The following TNRC18 variants were observed in gnomAD, a reference collection of about 807,000 sequenced individuals.
TNRC18 encodes trinucleotide repeat containing 18.
Under a neutral mutation model 226.7 loss-of-function variants are expected in TNRC18, and 69 were observed. That is an observed-to-expected ratio of 0.30 (90% CI 0.25 to 0.37). TNRC18 has a LOEUF of 0.37. Ranked by LOEUF, TNRC18 falls within the 10% of genes least tolerant of loss-of-function variation. The probability of loss-of-function intolerance (pLI) is 1.00; values close to 1 mark genes in which losing one functional copy is unlikely to be tolerated. For synonymous variants in TNRC18, 2,449 were observed against 1,927.6 expected, an observed-to-expected ratio of 1.27 and a Z score of -7.09; for missense variants, 4,754 against 4,256.6, an observed-to-expected ratio of 1.12 and a Z score of -3.25.
At chr7:5,326,653 G>T (rs1046975207) in intron 19 of TNRC18, among the ~76,000 whole-genome samples, 3 of 152,052 alleles carry the variant, frequency 2.0e-5, no homozygotes, top group Non-Finnish European at 4.4e-5. Flanking sequence ...TAAAACAAAT[G>T]GCCATTAGCT....
chr7:5,400,962 A>G (rs1286962406), intron 2 of TNRC18, among the ~76,000 whole-genome samples: 1 of 152,178 alleles, frequency 6.6e-6, no homozygotes, highest in African/African-American at 2.4e-5. Context: ...GGATTGCTCG[A>G]GCACAGGAGG....
intron 16 of TNRC18, among the ~76,000 whole-genome samples, chr7:5,355,184 C>T (rs944139780): frequency 1.3e-4 from 20 of 152,360 alleles, no homozygotes; most frequent in African/African-American, 4.3e-4. Context: ...GTGCTCTGTC[C>T]ACAGATACTG....
At chr7:5,359,374 CA>C in intron 15 of TNRC18, 23 bp downstream of exon 15, 6 of 1,613,606 alleles carry the variant, frequency 3.7e-6, no homozygotes, top group Non-Finnish European at 5.1e-6. Context: ...AGATCTCACA[CA>C]CCTGGAAGAC....
chr7:5,397,865 G>A (rs904298177), intron 2 of TNRC18, among the ~76,000 whole-genome samples: 3 of 152,090 alleles, frequency 2.0e-5, no homozygotes, highest in Admixed American at 6.6e-5. Flanking sequence ...TGTCTTCCCC[G>A]AGAGACAGTT....
intron 2 of TNRC18, among the ~76,000 whole-genome samples, chr7:5,406,560 G>GT (rs1781478635): frequency 6.6e-6 from 1 of 151,442 alleles, no homozygotes; most frequent in Admixed American, 6.6e-5. Context: ...ACAGAAAGCA[G>GT]TAAGTAGAGG....
intron 18 of TNRC18, among the ~76,000 whole-genome samples, chr7:5,334,088 A>T (rs1375962791): frequency 2.6e-5 from 4 of 151,934 alleles, no homozygotes; most frequent in African/African-American, 7.3e-5. Flanking sequence ...TGCGTTAACA[A>T]CCTCAGGGAG....
chr7:5,335,648 C>T (rs1020013595), intron 18 of TNRC18, among the ~76,000 whole-genome samples: 13 of 151,156 alleles, frequency 8.6e-5, no homozygotes, highest in Admixed American at 7.3e-4. Flanking sequence ...GAGAGAGGTC[C>T]CCATGCTCTC....
At chr7:5,380,902 C>G (rs1171537359) in intron 5 of TNRC18, among the ~76,000 whole-genome samples, 1 of 152,168 alleles carries the variant, frequency 6.6e-6, no homozygotes, top group African/African-American at 2.4e-5. Context: ...CCTGAGGGGG[C>G]CACCCTCACG....
intron 15 of TNRC18, among the ~76,000 whole-genome samples, chr7:5,358,180 T>A (rs1172912763): frequency 6.6e-6 from 1 of 152,148 alleles, no homozygotes; most frequent in African/African-American, 2.4e-5. Flanking sequence ...CCAAAAAAAA[T>A]GCCTCAAGTG....
At chr7:5,398,940 A>G (rs570557853) in intron 2 of TNRC18, among the ~76,000 whole-genome samples, 51 of 152,256 alleles carry the variant, frequency 3.3e-4, no homozygotes, top group African/African-American at 1.1e-3. Flanking sequence ...GTGATTTCCA[A>G]TGTTCCCAGG....
At chr7:5,412,448 C>T (rs1011257983) in intron 2 of TNRC18, among the ~76,000 whole-genome samples, 2 of 151,800 alleles carry the variant, frequency 1.3e-5, no homozygotes, top group Admixed American at 6.6e-5. Flanking sequence ...TGGTGGCAGG[C>T]GTGTGTAATC....
At chr7:5,356,288 G>A (rs1201069445) in intron 16 of TNRC18, among the ~76,000 whole-genome samples, 1 of 151,896 alleles carries the variant, frequency 6.6e-6, no homozygotes, top group Non-Finnish European at 1.5e-5. Context: ...GCACCCGAGC[G>A]CACACACTCC....
At position 5,388,149 on chromosome 7, in the gene TNRC18, G is replaced by T; in HGVS notation, c.1675C>A (p.Pro559Thr). 1 of 1,566,148 alleles carries T rather than the reference G, an allele frequency of 6.4e-7. No individual in the cohort carries two copies. The highest frequency in any genetic ancestry group is 8.6e-7 in the Non-Finnish European group (1 of 1,157,396). The change falls in exon 5 of 30, where the codon CCC (proline) becomes ACC (threonine). Residue 559 changes from proline (P) to threonine (T), a missense_variant. Transcript: ENST00000430969. The part of the protein sequence containing the change: ...KAYLDPGAVL[P>T]RSAATCGRPV... ...CGGCCGCAGGTGGCCGCCGAGCGGG[G>T]CAGCACAGCCCCAGGGTCCAGGTAG...
chr7:5,366,882 G>A (rs2128167917), intron 11 of TNRC18, among the ~76,000 whole-genome samples: 1 of 152,308 alleles, frequency 6.6e-6, no homozygotes, highest in East Asian at 1.9e-4. Flanking sequence ...TCAGGCAAGG[G>A]ACGCCCAAGT....
At chr7:5,381,439 G>C (rs541035275) in intron 5 of TNRC18, among the ~76,000 whole-genome samples, 2 of 152,148 alleles carry the variant, frequency 1.3e-5, no homozygotes, top group East Asian at 3.9e-4. Flanking sequence ...TCCACCATCA[G>C]AGCTCAGCTT....
chr7:5,332,688 G>A lies in TNRC18; in HGVS notation c.6081C>T (p.Ala2027=), dbSNP rs1307513622. Reference sequence around the variant, plus strand: ...TGCGCGGGCTCAGGGGGCCGCCCTTGGCGCAGCGGCTGGTCTTGGTGGCGG... The same window carrying A: ...TGCGCGGGCTCAGGGGGCCGCCCTTAGCGCAGCGGCTGGTCTTGGTGGCGG... ...TAPATKTSRC[A]KGGPLSPRKD... The change falls in exon 19 of 30, where the codon GCC becomes GCT. Residue 2027 remains alanine, a synonymous_variant. Coordinates refer to ENST00000430969, the MANE Select transcript of TNRC18 (RefSeq NM_001080495.3). The A allele has an allele frequency of 6.5e-7, 1 of 1,530,330 alleles. No homozygotes were observed. The allele number at this position is 1,530,330 out of a possible 1,614,324, so 94.8% of individuals were successfully genotyped here.
chr7:5,382,550 C>CGG (rs541476133), intron 5 of TNRC18, among the ~76,000 whole-genome samples: 2 of 144,412 alleles, frequency 1.4e-5, no homozygotes, highest in South Asian at 4.2e-4. Context: ...GGAAGCGGAT[C>CGG]GGGGGGGAGT....
chr7:5,345,279 G>A (rs776545345), intron 18 of TNRC18, among the ~76,000 whole-genome samples: 5 of 152,190 alleles, frequency 3.3e-5, no homozygotes, highest in African/African-American at 4.8e-5. Context: ...TGGAGCTCCC[G>A]CAGCCCCTCA....
chr7:5,406,520 G>A (rs1429971237), intron 2 of TNRC18, among the ~76,000 whole-genome samples: 1 of 150,370 alleles, frequency 6.7e-6, no homozygotes, highest in Non-Finnish European at 1.5e-5. Flanking sequence ...TGCCACTTTT[G>A]AGGTACCTAC....
Sources: allele counts gnomAD v4.1 joint callset (sites outside exome capture counted in the v4.1 genomes callset), GRCh38; gene constraint gnomAD v4.1.1; transcripts MANE v1.5; gene names NCBI Gene and HGNC (gene_info 2026-07-23, HGNC 2026-07-21).